TONSL: variants seen among roughly 807,000 people sequenced by gnomAD.
TONSL encodes tonsoku-like protein.
In TONSL, 112 loss-of-function variants were observed where a neutral mutation model predicts 147.1. That is an observed-to-expected ratio of 0.76 (90% CI 0.65 to 0.89). The LOEUF is 0.89. Ranked by LOEUF, TONSL falls within the 40% of genes least tolerant of loss-of-function variation. The pLI, the probability that TONSL is intolerant of heterozygous loss-of-function variation, is 0.00. For synonymous variants in TONSL, 868 were observed against 801.5 expected (o/e 1.08, Z -1.40); for missense variants, 1,883 against 1,864.6 (o/e 1.01, Z -0.18).
Position 144,433,659 on chromosome 8 carries a change from C to G in TONSL, c.3488G>C (p.Arg1163Pro). The change falls in exon 22 of 26, where the codon CGC becomes CCC. Residue 1163 changes from arginine (R) to proline (P), a missense_variant. Transcript: ENST00000409379. ...LHACPLLSTL[R>P]LQACGFGPSF... Reference sequence around the variant, plus strand: ...GGGGCCGAAGCCACACGCCTGCAGGCGCAGGGTGCTGAGTAAGGGGCAGGC... The same window carrying G: ...GGGGCCGAAGCCACACGCCTGCAGGGGCAGGGTGCTGAGTAAGGGGCAGGC... The G allele has an allele frequency of 1.2e-6, 2 of 1,613,232 alleles. No homozygotes were observed. Among genetic ancestry groups the G allele is most frequent in the Non-Finnish European group, 1.7e-6 (2 of 1,179,964 alleles).
intron 23 of TONSL, among the ~76,000 whole-genome samples, chr8:144,431,514 CTTT>C: frequency 6.6e-6 from 1 of 151,186 alleles, no homozygotes; most frequent in East Asian, 1.9e-4. Context: ...CTGTTTTTTT[CTTT>C]TTTTGTTTTT....
intron 1 of TONSL, 32 bp downstream of exon 1, chr8:144,444,357 GC>G (rs1352830383): frequency 1.6e-6 from 2 of 1,284,138 alleles, no homozygotes; most frequent in Non-Finnish European, 9.9e-7. Flanking sequence ...CAGCCTCCGC[GC>G]CCCCGGAGGA....
Position 144,440,654 on chromosome 8 carries a change from G to C in TONSL, c.1164+64C>G, listed in dbSNP as rs967153027. The C allele has an allele frequency of 1.7e-5, 26 of 1,565,812 alleles. No homozygotes were observed. The East Asian group carries it at 2.7e-4, about 16-fold the overall frequency. ...GGACACCTGTCCATGGCCACCCTGA[G>C]AACGGCAGTCCTGAGGCAGAGACAT... On this transcript the variant is annotated intron_variant, in intron 9 of 25. Transcript: ENST00000409379.
At position 144,442,397 on chromosome 8, in the gene TONSL, G is replaced by A. The variant is rs745572644; in HGVS notation, c.594C>T (p.Tyr198=). 22 of 1,550,960 alleles carry A rather than the reference G, an allele frequency of 1.4e-5. No individual in the cohort carries two copies. The highest frequency in any genetic ancestry group is 6.0e-5 in the South Asian group (5 of 83,448). Residue 198 remains tyrosine, a synonymous_variant, in exon 6 of 26, where the codon TAC becomes TAT. Transcript: ENST00000409379. ...TGTAGCGGGCGCGGAATAGGTCCTC[G>A]TAAAGGTGGTTCTGCCTGCAGAGGG... The part of the protein sequence containing the change: ...SIFLAEQNHL[Y]EDLFRARYNL...
intron 24 of TONSL, 55 bp downstream of exon 24, chr8:144,431,023 C>T: frequency 6.3e-7 from 1 of 1,592,964 alleles, no homozygotes; most frequent in Non-Finnish European, 8.6e-7. Flanking sequence ...CCCATAGGGT[C>T]CAGAGCCATG....
chr8:144,433,259 A>G (rs1395103430), intron 22 of TONSL: 9 of 209,606 alleles, frequency 4.3e-5, no homozygotes, highest in South Asian at 2.1e-4. Context: ...TGTATTTTTA[A>G]TAGAGACGGC....
Position 144,429,189 on chromosome 8 carries a change from T to C in TONSL, c.4091A>G (p.Glu1364Gly). 2.6e-6 allele frequency: 4 copies of C among 1,534,580 alleles called. No homozygotes were observed. The highest frequency in any genetic ancestry group is 3.5e-6 in the Non-Finnish European group (4 of 1,144,872). Reference sequence around the variant, plus strand: ...CTTGGAGCCGTGGTCCAGCGTGCACTCGCCGGGGCCCGGCCGACTGGGCTG... The same window carrying C: ...CTTGGAGCCGTGGTCCAGCGTGCACCCGCCGGGGCCCGGCCGACTGGGCTG... ...QLQPSRPGPG[E>G]CTLDHGSKLF... The change falls in exon 26 of 26, where the codon GAG becomes GGG. Residue 1364 changes from glutamate to glycine, a missense_variant. Glu to Gly is a moderately conservative substitution (Grantham distance 98, BLOSUM62 -2). Coordinates refer to ENST00000409379, the MANE Select transcript of TONSL (RefSeq NM_013432.5).
chr8:144,436,395 G>A lies in TONSL; in HGVS notation c.2038C>T (p.His680Tyr). The A allele has an allele frequency of 6.6e-7, 1 of 1,506,238 alleles. No homozygotes were observed. Among genetic ancestry groups the A allele is most frequent in the Admixed American group, 2.2e-5 (1 of 46,018 alleles). The allele number at this position is 1,506,238 out of a possible 1,614,324, so 93.3% of individuals were successfully genotyped here. Residue 680 changes from histidine (H) to tyrosine (Y), a missense_variant, in exon 17 of 26, where the codon CAC becomes TAC. Physicochemically the swap from His to Tyr is moderately conservative, Grantham distance 83. Coordinates refer to ENST00000409379, the MANE Select transcript of TONSL (RefSeq NM_013432.5). ...GQDPHSSQAF[H>Y]TPSSLLFDPE... ...TCAAACAGAAGGCTGCTTGGGGTGT[G>A]GAAGGCCTGGGAGCTGTGGGGATCT...
At position 144,444,269 on chromosome 8, in the gene TONSL, C is replaced by G; in HGVS notation, c.32G>C (p.Ser11Thr). The G allele has an allele frequency of 6.9e-7, 1 of 1,447,576 alleles. No individual in the cohort carries two copies. The highest frequency in any genetic ancestry group is 9.1e-7 in the Non-Finnish European group (1 of 1,101,022). 89.7% of individuals were successfully genotyped at this position (1,447,576 alleles called of 1,614,324 possible). ...CCTCTGCGCCTTGGCTTTCGCCTTG[C>G]TCAGCTCTGTGGGAGGAAGAGGAGG... MSLERELRQL[S>T]KAKAKAQRAG... Residue 11 changes from serine to threonine, a missense_variant, in exon 2 of 26, where the codon AGC becomes ACC. By Grantham distance (58) the Ser-to-Thr change is moderately conservative. Coordinates refer to ENST00000409379, the MANE Select transcript of TONSL (RefSeq NM_013432.5).
At chr8:144,444,358 C>A (rs1001897426) in intron 1 of TONSL, 32 bp downstream of exon 1, 2 of 1,283,998 alleles carry the variant, frequency 1.6e-6, no homozygotes, top group Non-Finnish European at 2.0e-6. Context: ...AGCCTCCGCG[C>A]CCCCGGAGGA....
chr8:144,432,870 C>T (rs13270605), intron 22 of TONSL: 82,973 of 163,012 alleles, frequency 0.51, 21,328 homozygotes, highest in Middle Eastern at 0.62. Context: ...CTGCCTCAGG[C>T]GAACAGCACT....
At chr8:144,433,934 C>T in intron 21 of TONSL, 44 bp downstream of exon 21, 4 of 1,517,202 alleles carry the variant, frequency 2.6e-6, no homozygotes, top group Non-Finnish European at 1.8e-6. Flanking sequence ...AATGGGAACC[C>T]CAACTCCCCG....
chr8:144,438,932 G>A lies in TONSL; in HGVS notation c.1481-197C>T, dbSNP rs1823590573. 1.3e-5 allele frequency: 8 copies of A among 632,520 alleles called. No homozygotes were observed. In the South Asian group the frequency reaches 1.5e-4, roughly 12 times the overall value. 39.2% of individuals were successfully genotyped at this position (632,520 alleles called of 1,614,324 possible). A position where few individuals can be genotyped will look rare whatever the true frequency, so the allele number is the denominator to read the frequency against. On this transcript the variant is annotated intron_variant, in intron 11 of 25. Transcript: ENST00000409379. ...CTCCATGTCTCCCTGACCCTGCTGG[G>A]ACCCTGCTCCTGCCCACCATCCCTC...
rs2130848939 is a variant in TONSL, at chr8:144,435,927, G to A, written c.2506C>T (p.Leu836=). 1 of 1,577,342 alleles carries A rather than the reference G, an allele frequency of 6.3e-7. No homozygotes were observed. Among genetic ancestry groups the A allele is most frequent in the Non-Finnish European group, 8.6e-7 (1 of 1,158,512 alleles). The part of the protein sequence containing the change: ...PEEECLAGDW[L]ELDMPLTRSR... The stretch of plus-strand genomic sequence containing the variant: ...CGGGTCAGGGGCATGTCCAGCTCCA[G>A]CCAGTCCCCGGCCAGGCACTCCTCC... Residue 836 remains leucine (L), a synonymous_variant, in exon 17 of 26, where the codon CTG becomes TTG. Coordinates refer to ENST00000409379, the MANE Select transcript of TONSL (RefSeq NM_013432.5).
chr8:144,434,798 T>A lies in TONSL; in HGVS notation c.3085+13A>T. On this transcript the variant is annotated intron_variant, in intron 20 of 25. Transcript: ENST00000409379. ...CGACCTCACCCAGAAACTGCAGCTCTCCTGGCCCTCACCTTGCCCCAGGCT... is the reference window on the plus strand; with the variant it reads ...CGACCTCACCCAGAAACTGCAGCTCACCTGGCCCTCACCTTGCCCCAGGCT... 1 of 1,612,982 alleles carries A rather than the reference T, an allele frequency of 6.2e-7. No individual in the cohort carries two copies. The highest frequency in any genetic ancestry group is 8.5e-7 in the Non-Finnish European group (1 of 1,179,634).
intron 23 of TONSL, among the ~76,000 whole-genome samples, chr8:144,431,652 C>A (rs1171851284): frequency 6.6e-6 from 1 of 151,256 alleles, no homozygotes; most frequent in Non-Finnish European, 1.5e-5. Flanking sequence ...AGCTGGGACT[C>A]CAGGAGCCCG....
chr8:144,436,569 G>T lies in TONSL; in HGVS notation c.2003C>A (p.Ala668Asp), dbSNP rs772403049. The change falls in exon 16 of 26, where the codon GCC (alanine) becomes GAC (aspartate). Residue 668 changes from alanine (A) to aspartate (D), a missense_variant. Coordinates refer to ENST00000409379, the MANE Select transcript of TONSL (RefSeq NM_013432.5). ...GACGCCCTGCTTGCCTTGGCCCGAG[G>T]CAGCCGCCTGGAGCAGCATCTCCAT... ...RAMEMLLQAA[A>D]SGQDPHSSQA... 34 of 1,610,256 alleles carry T rather than the reference G, an allele frequency of 2.1e-5. No individual in the cohort carries two copies. The highest frequency in any genetic ancestry group is 2.7e-5 in the Non-Finnish European group (32 of 1,179,858).
intron 25 of TONSL, among the ~76,000 whole-genome samples, chr8:144,429,726 G>T (rs1398031037): frequency 6.6e-6 from 1 of 152,198 alleles, no homozygotes; most frequent in African/African-American, 2.4e-5. Flanking sequence ...CAGATGCCAG[G>T]AACTGAGGTG....
In TONSL at chr8:144,440,346, C is replaced by A. The variant is rs376711033; in HGVS notation, c.1290+5G>T. The A allele has an allele frequency of 6.3e-7, 1 of 1,581,504 alleles. No individual in the cohort carries two copies. The highest frequency in any genetic ancestry group is 1.1e-5 in the South Asian group (1 of 88,734). ...AGCCAGTATGGGTGGGATGGGCTCTCGCACCTGCAGCTGGGGACGCTGGGC... is the reference window on the plus strand; with the variant it reads ...AGCCAGTATGGGTGGGATGGGCTCTAGCACCTGCAGCTGGGGACGCTGGGC... On this transcript the variant is annotated splice_donor_5th_base_variant and intron_variant, in intron 10 of 25. Transcript: ENST00000409379.
Sources: gnomAD v4.1 joint callset for allele counts (sites outside exome capture counted in the v4.1 genomes callset) on GRCh38, gnomAD v4.1.1 for gene constraint, MANE v1.5 for transcripts, NCBI Gene and HGNC (gene_info 2026-07-23, HGNC 2026-07-21) for gene names.